Variants in NFIB observed in about 807,000 individuals in gnomAD.
The protein encoded by NFIB is nuclear factor I B, also known as nuclear factor 1 B-type.
NFIB carries 11 observed loss-of-function variants against 61.5 expected under a neutral mutation model. The observed-to-expected ratio is 0.18, with a 90% CI of 0.11 to 0.30. NFIB has a LOEUF of 0.30. NFIB is among the 10% of genes least tolerant of loss of function. NFIB has a pLI of 1.00. For synonymous variants in NFIB, 260 were observed against 216.5 expected (o/e 1.20, Z -1.76); for missense variants, 471 against 608.9 (o/e 0.77, Z 2.38).
intron 2 of NFIB, among the ~76,000 whole-genome samples, chr9:14,283,696 T>C (rs909443648): frequency 6.6e-6 from 1 of 152,078 alleles, no homozygotes; most frequent in Non-Finnish European, 1.5e-5. Flanking sequence ...AGGGAGCAAA[T>C]ATATAAAGTC....
At chr9:14,490,805 A>C in the NFIB span, among the ~76,000 whole-genome samples, 1 of 152,210 alleles carries the variant, frequency 6.6e-6, no homozygotes, top group African/African-American at 2.4e-5. Flanking sequence ...GTTCTTTTAC[A>C]CTGCTGGTAG....
At chr9:14,134,385 G>A (rs1292287288) in intron 6 of NFIB, among the ~76,000 whole-genome samples, 5 of 152,074 alleles carry the variant, frequency 3.3e-5, no homozygotes, top group African/African-American at 1.2e-4. Flanking sequence ...TCTACTTGGT[G>A]ACTTCATGCC....
chr9:14,195,614 T>C (rs551092901), intron 2 of NFIB, among the ~76,000 whole-genome samples: 10 of 152,376 alleles, frequency 6.6e-5, no homozygotes, highest in South Asian at 2.1e-4. Flanking sequence ...GAAGCCAGGA[T>C]TGCAGACCAA....
At chr9:14,174,174 T>TAA (rs201674388) in intron 3 of NFIB, among the ~76,000 whole-genome samples, 2 of 151,952 alleles carry the variant, frequency 1.3e-5, no homozygotes, top group African/African-American at 4.8e-5. Context: ...ACAAAATACA[T>TAA]TAAAAAAAAA....
the NFIB span, among the ~76,000 whole-genome samples, chr9:14,518,247 G>C: frequency 6.6e-6 from 1 of 152,158 alleles, no homozygotes; most frequent in South Asian, 2.1e-4. Flanking sequence ...TATGGCCATG[G>C]CCCTGTGTTT....
At position 14,345,991 on chromosome 9, in the gene NFIB, TG is replaced by T. The variant is rs1186705932; in HGVS notation, c.109-38472del. 5.3e-5 allele frequency among the ~76,000 whole-genome samples: 8 copies of T among 152,162 alleles called. No individual in the cohort carries two copies. The East Asian group carries it at 1.5e-3, about 29-fold the overall frequency. ...CTCTGACACCGCCATGGTGGCAACA[TG>T]GGCCAAGTGGTACAGGGACCAGCCT... On this transcript the variant is annotated intron_variant, in intron 1 of 8. Coordinates refer to the NFIB transcript ENST00000380934.
chr9:14,124,840 G>A (rs2039422236), intron 7 of NFIB, among the ~76,000 whole-genome samples: 1 of 152,050 alleles, frequency 6.6e-6, no homozygotes, highest in Non-Finnish European at 1.5e-5. Flanking sequence ...CAAAGGATTT[G>A]GGCATATAAA....
the NFIB span, among the ~76,000 whole-genome samples, chr9:14,515,967 T>A: frequency 6.6e-6 from 1 of 152,244 alleles, no homozygotes; most frequent in African/African-American, 2.4e-5. Context: ...TAATGGCTGC[T>A]CAGCTGGCTT....
the NFIB span, among the ~76,000 whole-genome samples, chr9:14,458,204 G>T: frequency 6.6e-6 from 1 of 152,170 alleles, no homozygotes; most frequent in Non-Finnish European, 1.5e-5. Flanking sequence ...ATGCAAGGCT[G>T]GTTCAACATA....
chr9:14,186,774 C>T (rs2047376671), intron 2 of NFIB, among the ~76,000 whole-genome samples: 1 of 149,022 alleles, frequency 6.7e-6, no homozygotes. Flanking sequence ...TTTTTTTTTT[C>T]CAGCACAGTT....
chr9:14,198,950 A>G (rs2048734600), intron 2 of NFIB, among the ~76,000 whole-genome samples: 1 of 152,182 alleles, frequency 6.6e-6, no homozygotes, highest in Admixed American at 6.5e-5. Flanking sequence ...CTAAAAAGCA[A>G]CTAAATCCAA....
chr9:14,378,241 C>G lies in NFIB; in HGVS notation c.108+20283G>C, dbSNP rs535413575. ...AAAGGAATGCACGTGAGAGATTTAT[C>G]TGGTTCATATTTAGGCTCAATATCT... is the stretch of plus-strand genomic sequence containing the variant. On this transcript the variant is annotated intron_variant, in intron 1 of 8. Coordinates refer to the NFIB transcript ENST00000380934. 1.1e-3 allele frequency among the ~76,000 whole-genome samples: 173 copies of G among 152,320 alleles called. 1 individual carries two copies. Among genetic ancestry groups the G allele is most frequent in the Non-Finnish European group, 2.2e-3 (149 of 68,026 alleles).
At position 14,123,249 on chromosome 9, in the gene NFIB, CA is replaced by C. The variant is rs546131243; in HGVS notation, c.1060+2382del. Among the ~76,000 whole-genome samples, 397 of 109,966 alleles carry C rather than the reference CA, an allele frequency of 3.6e-3. 3 individuals are homozygous for C. Among genetic ancestry groups the C allele is most frequent in the African/African-American group, 9.4e-3 (305 of 32,322 alleles). 72.1% of individuals were successfully genotyped at this position (109,966 alleles called of 152,430 possible). On this transcript the variant is annotated intron_variant, in intron 7 of 10. Coordinates refer to ENST00000380953, the MANE Select transcript of NFIB (RefSeq NM_001190737.2). ...TCCAGCCTGGAGTAAGACCCTGTCTCAAAAAAAAAAAGAAAAGAAAAAGAAA... is the reference window on the plus strand; with the variant it reads ...TCCAGCCTGGAGTAAGACCCTGTCTCAAAAAAAAAAGAAAAGAAAAAGAAA...
At chr9:14,529,597 A>G in the NFIB span, among the ~76,000 whole-genome samples, 1 of 152,200 alleles carries the variant, frequency 6.6e-6, no homozygotes, top group Admixed American at 6.5e-5. Flanking sequence ...CTTCCAATGT[A>G]TTACTAAAGA....
At chr9:14,195,093 G>T (rs935419525) in intron 2 of NFIB, among the ~76,000 whole-genome samples, 2 of 152,092 alleles carry the variant, frequency 1.3e-5, no homozygotes, top group African/African-American at 4.8e-5. Flanking sequence ...GCTAACTGGG[G>T]TGGTTATGTG....
the NFIB span, among the ~76,000 whole-genome samples, chr9:14,420,771 G>A: frequency 6.6e-6 from 1 of 152,128 alleles, no homozygotes; most frequent in African/African-American, 2.4e-5. Flanking sequence ...GGCAGGATGA[G>A]ACACAGTCCC....
intron 1 of NFIB, among the ~76,000 whole-genome samples, chr9:14,379,231 GACA>G (rs2061455664): frequency 6.6e-6 from 1 of 152,182 alleles, no homozygotes; most frequent in Non-Finnish European, 1.5e-5. Context: ...TGTTTGCTGA[GACA>G]ACCTGAAACT....
intron 10 of NFIB, among the ~76,000 whole-genome samples, chr9:14,088,673 A>C (rs1178285854): frequency 6.6e-6 from 1 of 152,182 alleles, no homozygotes; most frequent in Non-Finnish European, 1.5e-5. Flanking sequence ...AGGAAAAAAA[A>C]GAAAAAGAAA....
intron 1 of NFIB, among the ~76,000 whole-genome samples, chr9:14,348,209 A>G (rs1208646025): frequency 1.3e-5 from 2 of 152,238 alleles, no homozygotes; most frequent in Non-Finnish European, 2.9e-5. Context: ...AGGGGAAGGC[A>G]TAATTCAATT....
Sources: gnomAD v4.1 joint callset for allele counts (sites outside exome capture counted in the v4.1 genomes callset) on GRCh38, gnomAD v4.1.1 for gene constraint, MANE v1.5 for transcripts, NCBI Gene and HGNC (gene_info 2026-07-23, HGNC 2026-07-21) for gene names.